Variants in ITPR2 observed in about 807,000 individuals in gnomAD.
The protein encoded by ITPR2 is inositol 1,4,5-trisphosphate receptor type 2, also known as inositol 1,4,5-trisphosphate-gated calcium channel ITPR2.
Under a neutral mutation model 317.1 loss-of-function variants are expected in ITPR2, and 207 were observed. The observed-to-expected ratio is 0.65, with a 90% CI of 0.58 to 0.73. The LOEUF is 0.73. Ranked by LOEUF, ITPR2 falls within the 30% of genes least tolerant of loss-of-function variation. The pLI is 0.00. For synonymous variants in ITPR2, 1,156 were observed against 1,149.1 expected (o/e 1.01, Z -0.12); for missense variants, 2,613 against 3,284.0 (o/e 0.80, Z 4.99).
intron 2 of ITPR2, among the ~76,000 whole-genome samples, chr12:26,758,481 T>C (rs1020129163): frequency 3.3e-5 from 5 of 152,212 alleles, no homozygotes; most frequent in African/African-American, 9.6e-5. Flanking sequence ...AACGCTAGCC[T>C]TTCTCCATTC....
At chr12:26,699,557 G>C (rs1948408487) in intron 9 of ITPR2, among the ~76,000 whole-genome samples, 1 of 152,192 alleles carries the variant, frequency 6.6e-6, no homozygotes, top group African/African-American at 2.4e-5. Flanking sequence ...TGCCTCATCT[G>C]TGTCTCTCAG....
rs1308209434 is a variant in ITPR2 at position 26,832,988 on chromosome 12, T to G, written c.-207A>C. On this transcript the variant is annotated 5_prime_UTR_variant, in exon 1 of 57. Coordinates refer to ENST00000381340, the MANE Select transcript of ITPR2 (RefSeq NM_002223.4). ...AGCCAGACCGGGGCCAAGCCGCAGC[T>G]GCGGACACCCCGCGAAGAGCGCAGC... The G allele has an allele frequency of 1.9e-6, 1 of 519,682 alleles. No individual in the cohort carries two copies. The highest frequency in any genetic ancestry group is 2.1e-5 in the African/African-American group (1 of 48,518). 32.2% of individuals were successfully genotyped at this position (519,682 alleles called of 1,614,324 possible).
At chr12:26,592,931 C>T (rs1945743853) in intron 32 of ITPR2, among the ~76,000 whole-genome samples, 1 of 152,202 alleles carries the variant, frequency 6.6e-6, no homozygotes, top group African/African-American at 2.4e-5. Flanking sequence ...CTTACTGATG[C>T]TAATATGTGC....
At chr12:26,788,108 G>C (rs1950288254) in intron 2 of ITPR2, among the ~76,000 whole-genome samples, 1 of 151,560 alleles carries the variant, frequency 6.6e-6, no homozygotes, top group Non-Finnish European at 1.5e-5. Flanking sequence ...TTTTAGTAGA[G>C]ACAGGGTTTC....
intron 34 of ITPR2, among the ~76,000 whole-genome samples, chr12:26,572,860 T>G (rs949467665): frequency 6.6e-6 from 1 of 152,110 alleles, no homozygotes; most frequent in African/African-American, 2.4e-5. Flanking sequence ...TAAATAAAAT[T>G]TGTTGTAATT....
chr12:26,684,754 A>G (rs997773979), intron 11 of ITPR2, among the ~76,000 whole-genome samples: 2 of 152,148 alleles, frequency 1.3e-5, no homozygotes, highest in African/African-American at 4.8e-5. Flanking sequence ...AGACCCTTTT[A>G]TCATTTCCTT....
intron 13 of ITPR2, among the ~76,000 whole-genome samples, chr12:26,681,145 C>A (rs931509772): frequency 6.6e-6 from 1 of 152,148 alleles, no homozygotes; most frequent in African/African-American, 2.4e-5. Flanking sequence ...GACTTTAAAC[C>A]ATACATGACT....
intron 55 of ITPR2, among the ~76,000 whole-genome samples, chr12:26,366,815 A>T (rs991307794): frequency 3.3e-5 from 5 of 152,210 alleles, no homozygotes; most frequent in Admixed American, 3.3e-4. Flanking sequence ...ATTTTGGAAG[A>T]ATACATTTTT....
intron 55 of ITPR2, among the ~76,000 whole-genome samples, chr12:26,368,891 T>C (rs1169376627): frequency 1.3e-5 from 2 of 152,198 alleles, no homozygotes; most frequent in African/African-American, 2.4e-5. Context: ...TGTCAGATTA[T>C]GATAGCTGTT....
intron 1 of ITPR2, among the ~76,000 whole-genome samples, chr12:26,824,348 T>C (rs934583601): frequency 6.6e-6 from 1 of 152,192 alleles, no homozygotes; most frequent in Admixed American, 6.5e-5. Flanking sequence ...CATTGTAAAT[T>C]GGTTATCATC....
At chr12:26,621,070 T>C in intron 26 of ITPR2, 53 bp downstream of exon 26, 1 of 1,469,220 alleles carries the variant, frequency 6.8e-7, no homozygotes, top group Admixed American at 1.9e-5. Context: ...TGGTTATATA[T>C]CTGACTTAAA....
chr12:26,368,510 C>T (rs1326569729), intron 55 of ITPR2, among the ~76,000 whole-genome samples: 1 of 151,968 alleles, frequency 6.6e-6, no homozygotes, highest in Non-Finnish European at 1.5e-5. Flanking sequence ...TTTAAAGAGA[C>T]AAAATAAGGC....
At chr12:26,460,626 T>G (rs556885461) in intron 45 of ITPR2, among the ~76,000 whole-genome samples, 1 of 152,202 alleles carries the variant, frequency 6.6e-6, no homozygotes, top group African/African-American at 2.4e-5. Flanking sequence ...AGCAGCTTTT[T>G]TTGAAACTGT....
chr12:26,827,037 T>C (rs1951019122), intron 1 of ITPR2, among the ~76,000 whole-genome samples: 1 of 152,190 alleles, frequency 6.6e-6, no homozygotes, highest in Non-Finnish European at 1.5e-5. Flanking sequence ...CATTTGAAAG[T>C]GGACAGCACA....
At chr12:26,575,620 G>T (rs773562796) in intron 34 of ITPR2, among the ~76,000 whole-genome samples, 3 of 152,192 alleles carry the variant, frequency 2.0e-5, no homozygotes, top group South Asian at 2.1e-4. Context: ...TATCACACAT[G>T]TCTTTATAGC....
chr12:26,747,847 C>T (rs951628807), intron 2 of ITPR2, among the ~76,000 whole-genome samples: 4 of 152,206 alleles, frequency 2.6e-5, no homozygotes, highest in African/African-American at 7.2e-5. Context: ...ATTTCATTAA[C>T]CTTTTTTCAT....
chr12:26,605,714 A>G (rs1371232811), intron 26 of ITPR2, among the ~76,000 whole-genome samples: 1 of 152,202 alleles, frequency 6.6e-6, no homozygotes, highest in Non-Finnish European at 1.5e-5. Flanking sequence ...CACATAGACA[A>G]TGCTAAACTC....
intron 55 of ITPR2, among the ~76,000 whole-genome samples, chr12:26,383,314 G>C (rs1591979014): frequency 6.6e-6 from 1 of 152,086 alleles, no homozygotes; most frequent in Non-Finnish European, 1.5e-5. Context: ...CCCAGCCTTA[G>C]GTATTCCTTT....
intron 37 of ITPR2, among the ~76,000 whole-genome samples, chr12:26,527,462 G>T (rs1943837810): frequency 6.6e-6 from 1 of 152,146 alleles, no homozygotes; most frequent in Admixed American, 6.5e-5. Flanking sequence ...TTGGCATTTT[G>T]GGGAATCCCT....
Sources: allele counts gnomAD v4.1 joint callset (sites outside exome capture counted in the v4.1 genomes callset), GRCh38; gene constraint gnomAD v4.1.1; transcripts MANE v1.5; gene names NCBI Gene and HGNC (gene_info 2026-07-23, HGNC 2026-07-21).